SH2D2A: variants seen among roughly 807,000 people sequenced by gnomAD.
The protein encoded by SH2D2A is SH2 domain containing 2A, also known as SH2 domain-containing protein 2A.
A neutral mutation model predicts 43.6 loss-of-function variants in SH2D2A; 33 were observed. The observed-to-expected ratio is 0.76, with a 90% CI of 0.57 to 1.01. The LOEUF is 1.01. SH2D2A is among the 50% of genes least tolerant of loss of function. SH2D2A has a pLI of 0.00. For synonymous variants in SH2D2A, 212 were observed against 206.1 expected (o/e 1.03, Z -0.25); for missense variants, 491 against 503.1 (o/e 0.98, Z 0.23).
At chr1:156,808,861 G>T (rs1050864965) in intron 7 of SH2D2A, among the ~76,000 whole-genome samples, 1 of 152,202 alleles carries the variant, frequency 6.6e-6, no homozygotes, top group Non-Finnish European at 1.5e-5. Context: ...CCCCAGGTGC[G>T]TCTGAAGAGG....
rs193016330 is a variant in SH2D2A at position 156,816,825 on chromosome 1, C to G, written c.-117G>C. ...CCCTGGCCCCGGGGGCAGGAAATGT[C>G]GCCTTACCCACAGCCTTAGTTCTGG... is the stretch of plus-strand genomic sequence containing the variant. On this transcript the variant is annotated 5_prime_UTR_variant, in exon 1 of 9. Coordinates refer to ENST00000368199, the MANE Select transcript of SH2D2A (RefSeq NM_003975.4). 1.0e-6 allele frequency: 1 copy of G among 953,634 alleles called. No individual in the cohort carries two copies. Among genetic ancestry groups the G allele is most frequent in the Non-Finnish European group, 1.5e-6 (1 of 666,734 alleles). The allele number at this position is 953,634 out of a possible 1,614,324, so 59.1% of individuals were successfully genotyped here. A position where few individuals can be genotyped will look rare whatever the true frequency, so the allele number is the denominator to read the frequency against.
At position 156,814,986 on chromosome 1, in the gene SH2D2A, C is replaced by T. The variant is rs761726038; in HGVS notation, c.308+51G>A. 4 of 1,417,346 alleles carry T rather than the reference C, an allele frequency of 2.8e-6. No homozygotes were observed. The East Asian group carries it at 1.1e-4, about 37-fold the overall frequency. The allele number at this position is 1,417,346 out of a possible 1,614,324, so 87.8% of individuals were successfully genotyped here. ...TCCTGGCAGGTGGCAGGACCCAGAC[C>T]CAGGACTTGCCCTGCCCCTGTCTGG... On this transcript the variant is annotated intron_variant, in intron 3 of 8. Transcript: ENST00000368199.
rs752646487 is a variant in SH2D2A, at chr1:156,815,226, A to T, written c.124-5T>A. The T allele has an allele frequency of 6.7e-6, 10 of 1,496,548 alleles. No individual in the cohort carries two copies. The highest frequency in any genetic ancestry group is 8.9e-6 in the Non-Finnish European group (10 of 1,118,468). The allele number at this position is 1,496,548 out of a possible 1,614,324, so 92.7% of individuals were successfully genotyped here. A position where few individuals can be genotyped will look rare whatever the true frequency, so the allele number is the denominator to read the frequency against. ...CTCCGGGGCCTGGGGAGATGCCTGG[A>T]TCAGGGAAGAGTTCAAGGAGGGGGA... On this transcript the variant is annotated splice_region_variant and splice_polypyrimidine_tract_variant and intron_variant, in intron 2 of 8. Transcript: ENST00000368199.
rs1257175798 is a variant in SH2D2A at position 156,807,682 on chromosome 1, C to T, written c.1003-337G>A. On this transcript the variant is annotated intron_variant, in intron 7 of 8. Coordinates refer to ENST00000368199, the MANE Select transcript of SH2D2A (RefSeq NM_003975.4). This position sits in a 1 kb window ranked among gnomAD's most constrained non-coding sequence, Gnocchi z 5.1. ...GTGTGTAAGGCACAGGGGGTGGCCT[C>T]TGAGAAGGGAAAGCTGGTCTTGAAG... Among the ~76,000 whole-genome samples, 3 of 152,168 alleles carry T rather than the reference C, an allele frequency of 2.0e-5. No individual in the cohort carries two copies. Among genetic ancestry groups the T allele is most frequent in the South Asian group, 2.1e-4 (1 of 4,822 alleles).
chr1:156,809,419 G>A lies in SH2D2A; in HGVS notation c.786C>T (p.Ile262=). Residue 262 remains isoleucine, a synonymous_variant, in exon 7 of 9, where the codon ATC becomes ATT. Transcript: ENST00000368199. The surrounding 1 kb of genome is among the most constrained non-coding windows in gnomAD (Gnocchi z 4.8). The stretch of plus-strand genomic sequence containing the variant: ...GGGCCGGGCGGTGTCGTGGAACAGG[G>A]ATTGTGTAGACTTCTGGGGGCAGCT... ...KPQLPPEVYT[I]PVPRHRPAPR... 1 of 1,613,726 alleles carries A rather than the reference G, an allele frequency of 6.2e-7. No homozygotes were observed. The highest frequency in any genetic ancestry group is 2.2e-5 in the East Asian group (1 of 44,886).
intron 5 of SH2D2A, among the ~76,000 whole-genome samples, chr1:156,812,742 T>G (rs1653505127): frequency 6.6e-6 from 1 of 152,162 alleles, no homozygotes; most frequent in Non-Finnish European, 1.5e-5. Flanking sequence ...GAGCTGCTGG[T>G]GGAGCTCTTT....
rs1263247967 is a variant in SH2D2A at position 156,815,119 on chromosome 1, C to A, written c.226G>T (p.Ala76Ser). 1 of 1,610,484 alleles carries A rather than the reference C, an allele frequency of 6.2e-7. No individual in the cohort carries two copies. The highest frequency in any genetic ancestry group is 1.7e-5 in the Admixed American group (1 of 59,742). The change falls in exon 3 of 9, where the codon GCT (alanine) becomes TCT (serine). Residue 76 changes from alanine (A) to serine (S), a missense_variant. Ala to Ser is a moderately conservative substitution (Grantham distance 99, BLOSUM62 1). Transcript: ENST00000368199. ...TGGGCCTGGGTCTTCTGGAACCAAG[C>A]CCGGGTCTCGGCCTGCAGGAACAGG... is the stretch of plus-strand genomic sequence containing the variant. Reference protein sequence around the residue: ...GSLFLQAETRAWFQKTQAHWL... With the variant: ...GSLFLQAETRSWFQKTQAHWL...
In SH2D2A at chr1:156,816,003, C is replaced by T. The variant is rs750159727; in HGVS notation, c.123+3G>A. ...CACGCTGCCGCCCCAGGTTTCCACT[C>T]ACCGCAGTGTAGCCCAGGTTCTGGC... On this transcript the variant is annotated splice_donor_region_variant and intron_variant, in intron 2 of 8. Transcript: ENST00000368199. 1.2e-6 allele frequency: 2 copies of T among 1,613,580 alleles called. No individual in the cohort carries two copies. The highest frequency in any genetic ancestry group is 1.3e-5 in the African/African-American group (1 of 75,024).
Position 156,807,361 on chromosome 1 carries a change from C to T in SH2D2A, c.1003-16G>A, listed in dbSNP as rs983772508. On this transcript the variant is annotated splice_polypyrimidine_tract_variant and intron_variant, in intron 7 of 8. Transcript: ENST00000368199. The surrounding 1 kb of genome is among the most constrained non-coding windows in gnomAD (Gnocchi z 5.1). ...CACCTGTATTCTGCAGAGAGAAGGA[C>T]AGTTCTAGGTCACACCCTCTACCCT... 6.6e-7 allele frequency: 1 copy of T among 1,514,378 alleles called. No individual in the cohort carries two copies. Among genetic ancestry groups the T allele is most frequent in the Non-Finnish European group, 8.8e-7 (1 of 1,136,564 alleles). 93.8% of individuals were successfully genotyped at this position (1,514,378 alleles called of 1,614,324 possible).
intron 5 of SH2D2A, 30 bp downstream of exon 5, chr1:156,813,818 G>A: frequency 7.2e-7 from 1 of 1,390,810 alleles, no homozygotes; most frequent in Admixed American, 3.1e-5. Context: ...CGAGACCCTG[G>A]GCTCTCTGGT....
Position 156,809,480 on chromosome 1 carries a change from A to G in SH2D2A, c.725T>C (p.Leu242Pro). Residue 242 changes from leucine to proline, a missense_variant, in exon 7 of 9, where the codon CTG (leucine) becomes CCG (proline). Coordinates refer to ENST00000368199, the MANE Select transcript of SH2D2A (RefSeq NM_003975.4). The surrounding 1 kb of genome is among the most constrained non-coding windows in gnomAD (Gnocchi z 4.8). ...GGGGATGGGAGGCTTGGGCCTGAGC[A>G]GCTGGGAGGGCTGGGAGAGAAGGTG... ...EGAGEKEPSQ[L>P]LRPKPPIPAK... is the part of the protein sequence containing the mutation. The G allele has an allele frequency of 6.2e-7, 1 of 1,602,328 alleles. No individual in the cohort carries two copies. The highest frequency in any genetic ancestry group is 8.5e-7 in the Non-Finnish European group (1 of 1,174,154).
intron 2 of SH2D2A, 124 bp from the exon 3 acceptor site, chr1:156,815,345 T>C: frequency 1.3e-6 from 1 of 752,498 alleles, no homozygotes; most frequent in Non-Finnish European, 2.1e-6. Context: ...TAGGGTACAA[T>C]TGCCCAGAAA....
At chr1:156,810,304 C>T (rs1031899707) in intron 5 of SH2D2A, among the ~76,000 whole-genome samples, 35 of 152,204 alleles carry the variant, frequency 2.3e-4, no homozygotes, top group African/African-American at 6.5e-4. Context: ...CTTCTTGCGT[C>T]TTAGGATTAC....
chr1:156,814,728 A>G, intron 3 of SH2D2A: 1 of 413,938 alleles, frequency 2.4e-6, no homozygotes, highest in East Asian at 3.8e-5. Context: ...AGATGGAGTA[A>G]GCCTGGAGGG....
At chr1:156,808,286 G>GC (rs1653118050) in intron 7 of SH2D2A, among the ~76,000 whole-genome samples, 1 of 152,192 alleles carries the variant, frequency 6.6e-6, no homozygotes. Context: ...TGGGTAGCTG[G>GC]AGAGTTAGCA....
At position 156,807,231 on chromosome 1, in the gene SH2D2A, G is replaced by T. The variant is rs1653030452; in HGVS notation, c.1117C>A (p.Gln373Lys). 7 of 1,508,834 alleles carry T rather than the reference G, an allele frequency of 4.6e-6. No homozygotes were observed. The Admixed American group carries it at 7.2e-5, about 15-fold the overall frequency. The allele number at this position is 1,508,834 out of a possible 1,614,324, so 93.5% of individuals were successfully genotyped here. The part of the protein sequence containing the change: ...RHTLPHNLSR[Q>K]VLQDRGQAWL... ...GCCTGTCCTCTGTCCTGAAGCACCTGTCTAGAAAGATTGTGGGGGAGGGTG... is the reference window on the plus strand; with the variant it reads ...GCCTGTCCTCTGTCCTGAAGCACCTTTCTAGAAAGATTGTGGGGGAGGGTG... The change falls in exon 8 of 9, where the codon CAG (glutamine) becomes AAG (lysine). Residue 373 changes from glutamine to lysine, a missense_variant. Physicochemically the swap from Gln to Lys is moderately conservative, Grantham distance 53. Coordinates refer to ENST00000368199, the MANE Select transcript of SH2D2A (RefSeq NM_003975.4). This position sits in a 1 kb window ranked among gnomAD's most constrained non-coding sequence, Gnocchi z 5.1.
intron 5 of SH2D2A, among the ~76,000 whole-genome samples, chr1:156,810,096 T>A (rs972605002): frequency 1.4e-4 from 21 of 152,160 alleles, no homozygotes; most frequent in Non-Finnish European, 1.0e-4. Flanking sequence ...AGTGTGGTGG[T>A]GCAGTCTCAG....
In SH2D2A at chr1:156,814,181, C is replaced by G. The variant is rs200947544; in HGVS notation, c.398+24G>C. ...CCTCCCGAGCCCCGCCTTGTGTCGC[C>G]CGGCGCGGGGCCTCGCCCCTCACCT... On this transcript the variant is annotated intron_variant, in intron 4 of 8. Transcript: ENST00000368199. The G allele has an allele frequency of 6.2e-4, 995 of 1,612,446 alleles. 8 individuals are homozygous for G. The African/African-American group carries it at 0.011, about 19-fold the overall frequency.
chr1:156,813,668 T>A (rs1653582716), intron 5 of SH2D2A, among the ~76,000 whole-genome samples, 180 bp downstream of exon 5: 1 of 152,208 alleles, frequency 6.6e-6, no homozygotes, highest in Non-Finnish European at 1.5e-5. Context: ...CCAGCACTCA[T>A]ATTTCTCGAA....
Sources: gnomAD v4.1 joint callset for allele counts (sites outside exome capture counted in the v4.1 genomes callset) on GRCh38, gnomAD v4.1.1 for gene constraint, Gnocchi (gnomAD v3.1) non-coding constraint, MANE v1.5 for transcripts, NCBI Gene and HGNC (gene_info 2026-07-23, HGNC 2026-07-21) for gene names.